LRP2: variants seen among roughly 807,000 people sequenced by gnomAD.
LRP2 encodes the protein low-density lipoprotein receptor-related protein 2.
In LRP2, 172 loss-of-function variants were observed where a neutral mutation model predicts 531.0. The ratio of observed to expected loss-of-function variants is 0.32; its 90% CI spans 0.29 to 0.37. The LOEUF is 0.37. Among genes scored for constraint, LRP2 ranks in the 10% least tolerant of loss-of-function variants. The pLI is 1.00. For missense variants in LRP2, 5,167 were observed against 5,868.3 expected (o/e 0.88, Z 3.90); for synonymous variants, 1,992 against 2,027.6 (o/e 0.98, Z 0.47).
chr2:169,209,436 C>T lies in LRP2; in HGVS notation c.6469+17G>A, dbSNP rs371855265. On this transcript the variant is annotated intron_variant, in intron 38 of 78. Transcript: ENST00000649046. Reference sequence around the variant, plus strand: ...CAGAGATGCAAACATATTAAAATCACCATATAGCTTACATACCTGCTACCC... The same window carrying T: ...CAGAGATGCAAACATATTAAAATCATCATATAGCTTACATACCTGCTACCC... 3.7e-6 allele frequency: 6 copies of T among 1,611,072 alleles called. No individual in the cohort carries two copies. The highest frequency in any genetic ancestry group is 5.1e-6 in the Non-Finnish European group (6 of 1,177,416).
At chr2:169,169,630 G>A (rs1031846681) in intron 60 of LRP2, 72 bp downstream of exon 60, 3 of 1,136,424 alleles carry the variant, frequency 2.6e-6, no homozygotes, top group Non-Finnish European at 2.7e-6. Flanking sequence ...AGAAGCGGCA[G>A]CGGACTGATG....
intron 35 of LRP2, among the ~76,000 whole-genome samples, chr2:169,214,860 G>T (rs1688721159): frequency 6.6e-6 from 1 of 152,202 alleles, no homozygotes; most frequent in Non-Finnish European, 1.5e-5. Flanking sequence ...CCAGAGAGAG[G>T]TTGCTCAGAA....
chr2:169,199,243 A>T (rs939535082), intron 44 of LRP2, among the ~76,000 whole-genome samples: 1 of 152,248 alleles, frequency 6.6e-6, no homozygotes, highest in Non-Finnish European at 1.5e-5. Context: ...ATATGTAGCT[A>T]TTAAAGGAAT....
At position 169,207,385 on chromosome 2, in the gene LRP2, T is replaced by C. The variant is rs567880724; in HGVS notation, c.6470-135A>G. The C allele has an allele frequency of 4.3e-6, 3 of 693,952 alleles. No individual in the cohort carries two copies. The Admixed American group carries it at 6.8e-5, about 16-fold the overall frequency. The allele number at this position is 693,952 out of a possible 1,614,324, so 43.0% of individuals were successfully genotyped here. Reference sequence around the variant, plus strand: ...TATGTTGTCTTTTCCAAGATGATAGTGTCCCAGTCTAGGCTTAGAAAAATA... The same window carrying C: ...TATGTTGTCTTTTCCAAGATGATAGCGTCCCAGTCTAGGCTTAGAAAAATA... On this transcript the variant is annotated intron_variant, in intron 38 of 78. Coordinates refer to ENST00000649046, the MANE Select transcript of LRP2 (RefSeq NM_004525.3).
At position 169,233,525 on chromosome 2, in the gene LRP2, T is replaced by C. The variant is rs757125881; in HGVS notation, c.4984A>G (p.Thr1662Ala). The C allele has an allele frequency of 1.9e-6, 3 of 1,613,798 alleles. No individual in the cohort carries two copies. Among genetic ancestry groups the C allele is most frequent in the East Asian group, 2.2e-5 (1 of 44,876 alleles). ...EDSVYWTDRA[T>A]RRVMRANKWH... is the part of the protein sequence containing the mutation. ...TTGTTGGCTCGCATAACCCGACGAGTAGCACGGTCAGTCCAGTACACAGAG... is the reference window on the plus strand; with the variant it reads ...TTGTTGGCTCGCATAACCCGACGAGCAGCACGGTCAGTCCAGTACACAGAG... Residue 1662 changes from threonine (T) to alanine (A), a missense_variant, in exon 30 of 79, where the codon ACT (threonine) becomes GCT (alanine). Physicochemically the swap from Thr to Ala is moderately conservative, Grantham distance 58. Around this residue, in one of 6 missense-constraint regions of LRP2, gnomAD observed 2,811 missense variants for 3,058.0 expected, o/e 0.92. Transcript: ENST00000649046.
chr2:169,142,056 T>G (rs75074819), intron 71 of LRP2, among the ~76,000 whole-genome samples: 436 of 152,326 alleles, frequency 2.9e-3, no homozygotes, highest in African/African-American at 0.01. Context: ...GCTAGTGAAT[T>G]GCAGGACGAC....
intron 63 of LRP2, among the ~76,000 whole-genome samples, chr2:169,157,901 A>G (rs1467453291): frequency 2.1e-5 from 3 of 142,444 alleles, no homozygotes; most frequent in Non-Finnish European, 4.5e-5. Flanking sequence ...ATAGATCGAT[A>G]GATAGATAAC....
At chr2:169,222,447 T>C (rs765647319) in intron 33 of LRP2, among the ~76,000 whole-genome samples, 74 of 152,298 alleles carry the variant, frequency 4.9e-4, no homozygotes, top group Non-Finnish European at 8.1e-4. Context: ...CATTTCCATG[T>C]TTCAGGGTCT....
At chr2:169,333,518 G>A (rs538098532) in intron 1 of LRP2, among the ~76,000 whole-genome samples, 23 of 144,456 alleles carry the variant, frequency 1.6e-4, no homozygotes, top group Non-Finnish European at 3.5e-4. Flanking sequence ...GGAAGGAAGG[G>A]AGGGAGGGAG....
chr2:169,236,980 TA>T, intron 28 of LRP2, 122 bp downstream of exon 28: 1 of 809,330 alleles, frequency 1.2e-6, no homozygotes, highest in Non-Finnish European at 2.1e-6. Context: ...CTACCATGTT[TA>T]AACAAGGGAT....
At chr2:169,160,439 T>C (rs564742430) in intron 63 of LRP2, among the ~76,000 whole-genome samples, 1 of 151,890 alleles carries the variant, frequency 6.6e-6, no homozygotes, top group South Asian at 2.1e-4. Flanking sequence ...GTGATGCTTT[T>C]GGAGAAGAAG....
intron 49 of LRP2, among the ~76,000 whole-genome samples, chr2:169,187,708 C>T (rs1687681108): frequency 1.3e-5 from 2 of 152,158 alleles, no homozygotes; most frequent in South Asian, 4.1e-4. Context: ...CCTTATTTGG[C>T]AATAATGTTA....
At chr2:169,360,128 C>CAAAAAAAAAAAAAAAAAAAAAAAAAA (rs67818940) in intron 1 of LRP2, among the ~76,000 whole-genome samples, 1 of 105,034 alleles carries the variant, frequency 9.5e-6, no homozygotes, top group African/African-American at 4.2e-5. Flanking sequence ...CTGTCTCTCT[C>CAAAAAAAAAAAAAAAAAAAAAAAAAA]AAAAAAAAAA....
rs185264997 is a variant in LRP2, at chr2:169,318,264, C to T, written c.310+498G>A. On this transcript the variant is annotated intron_variant, in intron 3 of 78. Transcript: ENST00000649046. ...CCGCTTCATCGCTACTATTTTCTTT[C>T]TTGTTCAAGCTCTCCCTATGGTGGC... Among the ~76,000 whole-genome samples, 17 of 152,160 alleles carry T rather than the reference C, an allele frequency of 1.1e-4. No homozygotes were observed. In the East Asian group the frequency reaches 3.3e-3, roughly 29 times the overall value.
At chr2:169,228,281 C>A (rs1238584782) in intron 31 of LRP2, among the ~76,000 whole-genome samples, 1 of 149,418 alleles carries the variant, frequency 6.7e-6, no homozygotes, top group Non-Finnish European at 1.5e-5. Flanking sequence ...ATCAAATTAC[C>A]ACTCATTTCA....
At position 169,185,684 on chromosome 2, in the gene LRP2, T is replaced by C. The variant is rs528833441; in HGVS notation, c.9664A>G (p.Ile3222Val). 3 of 1,614,092 alleles carry C rather than the reference T, an allele frequency of 1.9e-6. No homozygotes were observed. The highest frequency in any genetic ancestry group is 2.2e-5 in the East Asian group (1 of 44,876). ...LTIDGYFYSL[I>V]LEGLDNVVAL... is the part of the protein sequence containing the mutation. ...ACAACATTGTCCAGTCCTTCCAAGA[T>C]GAGGGAGTAAAAATAGCCATCTATA... The change falls in exon 50 of 79, where the codon ATC becomes GTC. Residue 3222 changes from isoleucine to valine, a missense_variant. Ile to Val is a conservative substitution (Grantham distance 29). Coordinates refer to ENST00000649046, the MANE Select transcript of LRP2 (RefSeq NM_004525.3).
At chr2:169,334,680 A>G (rs1685356774) in intron 1 of LRP2, among the ~76,000 whole-genome samples, 1 of 152,222 alleles carries the variant, frequency 6.6e-6, no homozygotes, top group Non-Finnish European at 1.5e-5. Flanking sequence ...CCATGAGGGC[A>G]GGAACTGTTT....
intron 29 of LRP2, among the ~76,000 whole-genome samples, chr2:169,233,933 A>G (rs1293955785): frequency 6.6e-6 from 1 of 152,082 alleles, no homozygotes; most frequent in Non-Finnish European, 1.5e-5. Flanking sequence ...GGAACTAGAG[A>G]GCTTAGAGAC....
At chr2:169,315,760 T>C (rs1325194992) in intron 3 of LRP2, among the ~76,000 whole-genome samples, 1 of 152,062 alleles carries the variant, frequency 6.6e-6, no homozygotes, top group Admixed American at 6.6e-5. Flanking sequence ...TCCACAGAAC[T>C]GGAGGCAGGG....
Sources: allele counts gnomAD v4.1 joint callset (sites outside exome capture counted in the v4.1 genomes callset), GRCh38; gene constraint gnomAD v4.1.1; regional missense constraint gnomAD v4.1.1; transcripts MANE v1.5; gene names NCBI Gene and HGNC (gene_info 2026-07-23, HGNC 2026-07-21).